The following SLC8A1 variants were observed in gnomAD, a reference collection of about 807,000 sequenced individuals.
SLC8A1 encodes the protein solute carrier family 8 member A1, also known as sodium/calcium exchanger 1.
SLC8A1 carries 18 observed loss-of-function variants against 68.3 expected under a neutral mutation model. The observed-to-expected ratio is 0.26, with a 90% CI of 0.18 to 0.39. The LOEUF (loss-of-function observed/expected upper bound fraction) is 0.39. SLC8A1 is among the 10% of genes least tolerant of loss of function. The pLI is 1.00. For missense variants in SLC8A1, 985 were observed against 1,156.7 expected (o/e 0.85, Z 2.15); for synonymous variants, 475 against 415.5 (o/e 1.14, Z -1.74).
At chr2:40,144,494 T>A (rs2042101444) in intron 6 of SLC8A1, among the ~76,000 whole-genome samples, 1 of 151,886 alleles carries the variant, frequency 6.6e-6, no homozygotes, top group Non-Finnish European at 1.5e-5. Context: ...AGTAGAGGAG[T>A]TCAGTATCAC....
At chr2:40,508,822 T>C (rs577367482) in intron 1 of SLC8A1, among the ~76,000 whole-genome samples, 1 of 152,298 alleles carries the variant, frequency 6.6e-6, no homozygotes, top group South Asian at 2.1e-4. Context: ...TTTTCTTTAA[T>C]TGCATAAAGG....
At chr2:40,416,375 G>A (rs560783578) in intron 2 of SLC8A1, among the ~76,000 whole-genome samples, 2 of 152,138 alleles carry the variant, frequency 1.3e-5, no homozygotes, top group African/African-American at 4.8e-5. Context: ...AAAGATTTAA[G>A]CTATTTTTAT....
intron 1 of SLC8A1, among the ~76,000 whole-genome samples, chr2:40,502,410 G>A (rs927931007): frequency 2.6e-5 from 4 of 152,012 alleles, no homozygotes; most frequent in Admixed American, 6.6e-5. Context: ...GGTAAGGGCT[G>A]TGTCTTAGTC....
chr2:40,177,973 G>A lies in SLC8A1; in HGVS notation c.1809-118C>T, dbSNP rs1273503270. On this transcript the variant is annotated intron_variant, in intron 2 of 7. Transcript: ENST00000406785. ...TGGAGGGAGAACTGGCAGCACATGG[G>A]CCTCCTGAAGTATGTAAAAGGGCAT... 4 of 695,134 alleles carry A rather than the reference G, an allele frequency of 5.8e-6. No individual in the cohort carries two copies. The African/African-American group carries it at 7.1e-5, about 12-fold the overall frequency. 43.1% of individuals were successfully genotyped at this position (695,134 alleles called of 1,614,324 possible).
intron 2 of SLC8A1, among the ~76,000 whole-genome samples, chr2:40,215,018 A>C (rs924823915): frequency 1.4e-4 from 21 of 152,184 alleles, no homozygotes; most frequent in Admixed American, 3.3e-4. Context: ...TGTAAAGTCA[A>C]ACAGAACCTT....
At chr2:40,428,948 T>C (rs769901708) in exon 2 of SLC8A1, 1 of 1,613,866 alleles carries the variant, frequency 6.2e-7, no homozygotes, top group Non-Finnish European at 8.5e-7. Flanking sequence ...TCCTCTGTTC[T>C]GAAGTCAACA....
At chr2:40,359,403 G>T (rs1158906745) in intron 2 of SLC8A1, among the ~76,000 whole-genome samples, 1 of 152,122 alleles carries the variant, frequency 6.6e-6, no homozygotes, top group Non-Finnish European at 1.5e-5. Flanking sequence ...CTGGTAGTAA[G>T]TACATGCATA....
chr2:40,240,550 G>A (rs1237653534), intron 2 of SLC8A1, among the ~76,000 whole-genome samples: 2 of 152,172 alleles, frequency 1.3e-5, no homozygotes, highest in Admixed American at 6.5e-5. Context: ...CAGAGAGGCT[G>A]TCTCTCTATT....
At chr2:40,384,101 T>C (rs1682815554) in intron 2 of SLC8A1, among the ~76,000 whole-genome samples, 1 of 150,862 alleles carries the variant, frequency 6.6e-6, no homozygotes, top group Non-Finnish European at 1.5e-5. Context: ...TCTCTACAGT[T>C]TTTTTTTTTA....
At chr2:40,241,521 A>G in intron 2 of SLC8A1, among the ~76,000 whole-genome samples, 1 of 152,226 alleles carries the variant, frequency 6.6e-6, no homozygotes, top group East Asian at 1.9e-4. Context: ...AGGTATTAAA[A>G]AGCACAATGT....
chr2:40,421,836 G>T (rs1695586507), intron 2 of SLC8A1, among the ~76,000 whole-genome samples: 2 of 152,210 alleles, frequency 1.3e-5, no homozygotes, highest in African/African-American at 4.8e-5. Context: ...TCTGTGAAAA[G>T]AAAGGGCCCT....
At chr2:40,259,615 G>A (rs2149087972) in intron 2 of SLC8A1, among the ~76,000 whole-genome samples, 1 of 152,228 alleles carries the variant, frequency 6.6e-6, no homozygotes, top group Middle Eastern at 3.4e-3. Flanking sequence ...CTACAAGCAT[G>A]TGCCACCATG....
chr2:40,509,359 T>G (rs961083079), intron 1 of SLC8A1, among the ~76,000 whole-genome samples: 93 of 152,158 alleles, frequency 6.1e-4, no homozygotes, highest in African/African-American at 2.2e-3. Context: ...ATTTTTAACG[T>G]TCTTAAAATC....
At chr2:40,404,601 T>A (rs544070132) in intron 2 of SLC8A1, among the ~76,000 whole-genome samples, 11 of 152,330 alleles carry the variant, frequency 7.2e-5, no homozygotes, top group Non-Finnish European at 1.3e-4. Flanking sequence ...TTCCATGTGC[T>A]GTATTTATTA....
At chr2:40,245,540 G>A (rs1264675591) in intron 2 of SLC8A1, among the ~76,000 whole-genome samples, 1 of 152,120 alleles carries the variant, frequency 6.6e-6, no homozygotes, top group Non-Finnish European at 1.5e-5. Flanking sequence ...ACTCTGTGCT[G>A]TATGTACCTG....
rs985740455 is a variant in SLC8A1, at chr2:40,130,970, A to G, written c.2437+8431T>C. ...AGTTTTTCAGTTTTCAATTGCTGCAATGTAGCTAAGGTAAATAACCCAGGA... is the reference window on the plus strand; with the variant it reads ...AGTTTTTCAGTTTTCAATTGCTGCAGTGTAGCTAAGGTAAATAACCCAGGA... On this transcript the variant is annotated intron_variant, in intron 7 of 7. Coordinates refer to ENST00000406785, the Ensembl canonical transcript of SLC8A1. 2.0e-5 allele frequency among the ~76,000 whole-genome samples: 3 copies of G among 152,220 alleles called. No individual in the cohort carries two copies. The East Asian group carries it at 5.8e-4, about 29-fold the overall frequency.
intron 2 of SLC8A1, chr2:40,254,509 A>AAAAC (rs985813375): frequency 1.7e-4 from 20 of 115,742 alleles, no homozygotes; most frequent in African/African-American, 6.7e-4. Flanking sequence ...GAAAATATCA[A>AAAAC]AAACATGAAG....
chr2:40,434,297 G>A (rs1203632807), intron 1 of SLC8A1, among the ~76,000 whole-genome samples: 1 of 152,288 alleles, frequency 6.6e-6, no homozygotes, highest in Admixed American at 6.5e-5. Flanking sequence ...CACTGATGTA[G>A]CTTATTGGCA....
intron 2 of SLC8A1, among the ~76,000 whole-genome samples, chr2:40,284,506 AATAT>A (rs1438649499): frequency 7.0e-6 from 1 of 142,700 alleles, no homozygotes; most frequent in African/African-American, 2.7e-5. Flanking sequence ...TCTAGCCAAC[AATAT>A]ATATAGACAA....
Sources: allele counts gnomAD v4.1 joint callset (sites outside exome capture counted in the v4.1 genomes callset), GRCh38; gene constraint gnomAD v4.1.1; transcripts MANE v1.5; gene names NCBI Gene and HGNC (gene_info 2026-07-23, HGNC 2026-07-21).